Variants in GPHN observed in about 807,000 individuals in gnomAD.
The protein encoded by GPHN is gephyrin.
In GPHN, 17 loss-of-function variants were observed where a neutral mutation model predicts 95.5. That is an observed-to-expected ratio of 0.18 (90% confidence interval 0.12 to 0.27). GPHN has a LOEUF of 0.27. Among genes scored for constraint, GPHN ranks in the 10% least tolerant of loss-of-function variants. The pLI is 1.00. For synonymous variants in GPHN, 320 were observed against 322.5 expected, an observed-to-expected ratio of 0.99 and a Z score of 0.08; for missense variants, 660 against 978.1, an observed-to-expected ratio of 0.67 and a Z score of 4.34.
chr14:67,022,541 CTTTTTTTTTT>C (rs1214143019), intron 9 of GPHN, among the ~76,000 whole-genome samples: 215 of 18,872 alleles, frequency 0.011, 1 homozygote, highest in Admixed American at 0.017. Flanking sequence ...ATTATTTTTC[CTTTTTTTTTT>C]TTTTTTTTTT....
At chr14:67,670,557 GGTTT>G in the GPHN span, among the ~76,000 whole-genome samples, 2 of 149,964 alleles carry the variant, frequency 1.3e-5, no homozygotes, top group Non-Finnish European at 3.0e-5. Flanking sequence ...TTGGTTGTAA[GGTTT>G]GTTACCTTTT....
rs937401198 is a variant in GPHN, at chr14:66,664,989, CAAAAAAAAAAAAA to C, written c.65-16108_65-16096del. Among the ~76,000 whole-genome samples the C allele has an allele frequency of 1.3e-4, 7 of 54,906 alleles. No individual in the cohort carries two copies. The South Asian group carries it at 2.7e-3, about 21-fold the overall frequency. The allele number at this position is 54,906 out of a possible 152,430, so 36.0% of individuals were successfully genotyped here. ...AGGCAGCAATAAATAGCCTACCAAC[CAAAAAAAAAAAAA>C]AAAAAAAAAGCCCAGGACCAGACGG... On this transcript the variant is annotated intron_variant, in intron 1 of 22. Coordinates refer to ENST00000478722, the MANE Select transcript of GPHN (RefSeq NM_020806.5).
At chr14:66,899,715 G>A (rs900543289) in intron 5 of GPHN, among the ~76,000 whole-genome samples, 26 of 151,668 alleles carry the variant, frequency 1.7e-4, no homozygotes, top group Middle Eastern at 3.2e-3. Context: ...AGAGATACTG[G>A]TCTATATTTT....
intron 4 of GPHN, among the ~76,000 whole-genome samples, chr14:66,830,255 T>A (rs1026316938): frequency 3.9e-5 from 6 of 152,154 alleles, no homozygotes; most frequent in Admixed American, 6.6e-5. Flanking sequence ...ATGTTAGGTT[T>A]CCTTCCTTAT....
At chr14:67,426,696 C>T in the GPHN span, among the ~76,000 whole-genome samples, 14,073 of 152,186 alleles carry the variant, frequency 0.092, 725 homozygotes, top group Admixed American at 0.16. Flanking sequence ...CTGCCTTAGC[C>T]TTCCAAGTAG....
rs77858601 is a variant in GPHN at position 66,941,079 on chromosome 14, A to G, written c.828+16787A>G. On this transcript the variant is annotated intron_variant, in intron 8 of 22. Coordinates refer to ENST00000478722, the MANE Select transcript of GPHN (RefSeq NM_020806.5). ...TTGCTCAGAACTAGAATATTGATCC[A>G]GATTTCTACATCACCTGTCCCTTTT... Among the ~76,000 whole-genome samples, 89 of 152,022 alleles carry G rather than the reference A, an allele frequency of 5.9e-4. 2 individuals are homozygous for G. In the East Asian group the frequency reaches 0.018, roughly 30 times the overall value.
chr14:66,725,474 T>A (rs1360957610), intron 2 of GPHN, among the ~76,000 whole-genome samples: 1 of 152,100 alleles, frequency 6.6e-6, no homozygotes, highest in Non-Finnish European at 1.5e-5. Context: ...GATAGTGTTT[T>A]TGTTTGTTTG....
chr14:66,634,310 T>G (rs1293269489), intron 1 of GPHN, among the ~76,000 whole-genome samples: 1 of 152,088 alleles, frequency 6.6e-6, no homozygotes, highest in Admixed American at 6.6e-5. Context: ...GGGTAGAATG[T>G]TTTCGCATTG....
chr14:67,631,231 G>C, the GPHN span, among the ~76,000 whole-genome samples: 61 of 152,132 alleles, frequency 4.0e-4, no homozygotes, highest in Non-Finnish European at 5.0e-4. Context: ...TCACATTTCA[G>C]CTTGTTATAA....
intron 14 of GPHN, among the ~76,000 whole-genome samples, chr14:67,111,109 G>A (rs1286360288): frequency 6.6e-6 from 1 of 152,210 alleles, no homozygotes; most frequent in Non-Finnish European, 1.5e-5. Context: ...AATTGGCCAT[G>A]CCAAGAGACA....
At chr14:67,055,365 A>G (rs2075509412) in intron 10 of GPHN, among the ~76,000 whole-genome samples, 1 of 152,240 alleles carries the variant, frequency 6.6e-6, no homozygotes, top group Non-Finnish European at 1.5e-5. Flanking sequence ...ACACAATGAG[A>G]TACCATCTCA....
intron 1 of GPHN, among the ~76,000 whole-genome samples, chr14:66,524,649 C>A (rs117546748): frequency 0.012 from 1,842 of 152,112 alleles, 19 homozygotes; most frequent in Non-Finnish European, 0.018. Context: ...CCTCCCGCAG[C>A]CCCCCACACC....
intron 1 of GPHN, among the ~76,000 whole-genome samples, chr14:66,601,708 T>C (rs1465944081): frequency 1.3e-5 from 2 of 151,506 alleles, no homozygotes; most frequent in South Asian, 2.1e-4. Context: ...ATTTGTGCAA[T>C]AGGACTGCAA....
chr14:67,028,784 A>C (rs186040314), intron 10 of GPHN, among the ~76,000 whole-genome samples: 2 of 152,294 alleles, frequency 1.3e-5, no homozygotes, highest in Admixed American at 1.3e-4. Context: ...TCTGATGAAC[A>C]GTTTGCAAGT....
the GPHN span, among the ~76,000 whole-genome samples, chr14:67,551,639 A>T: frequency 6.6e-6 from 1 of 152,120 alleles, no homozygotes; most frequent in Non-Finnish European, 1.5e-5. Flanking sequence ...CTGTAATCCC[A>T]GGACTTAGGG....
intron 1 of GPHN, among the ~76,000 whole-genome samples, chr14:66,588,144 G>A (rs547650710): frequency 6.6e-6 from 1 of 152,164 alleles, no homozygotes; most frequent in Admixed American, 6.5e-5. Context: ...TTCAGCAGAG[G>A]GGCCTGACTG....
intron 1 of GPHN, among the ~76,000 whole-genome samples, chr14:66,655,654 CAT>C: frequency 6.6e-6 from 1 of 151,834 alleles, no homozygotes; most frequent in South Asian, 2.1e-4. Context: ...GTAGTGAGAG[CAT>C]ATATCTTTTT....
the GPHN span, chr14:67,678,287 G>A: frequency 7.8e-7 from 1 of 1,286,144 alleles, no homozygotes; most frequent in East Asian, 2.3e-5. Flanking sequence ...GTAGTCTGCT[G>A]CAGTCTTCTC....
At chr14:66,784,792 A>C (rs2059714931) in intron 3 of GPHN, among the ~76,000 whole-genome samples, 1 of 152,202 alleles carries the variant, frequency 6.6e-6, no homozygotes. Context: ...GATTCACAAT[A>C]AGCAAGCATA....
Sources: gnomAD v4.1 joint callset for allele counts (sites outside exome capture counted in the v4.1 genomes callset) on GRCh38, gnomAD v4.1.1 for gene constraint, MANE v1.5 for transcripts, NCBI Gene and HGNC (gene_info 2026-07-23, HGNC 2026-07-21) for gene names.